The following CNTNAP5 variants were observed in gnomAD, a reference collection of about 807,000 sequenced individuals.
The protein encoded by CNTNAP5 is contactin-associated protein-like 5.
Under a neutral mutation model 150.2 loss-of-function variants are expected in CNTNAP5, and 72 were observed. The ratio of observed to expected loss-of-function variants is 0.48; its 90% CI spans 0.40 to 0.58. CNTNAP5 has a LOEUF of 0.58. Among genes scored for constraint, CNTNAP5 ranks in the 20% least tolerant of loss-of-function variants. CNTNAP5 has a pLI of 0.00. For missense variants in CNTNAP5, 1,636 were observed against 1,626.2 expected (o/e 1.01, Z -0.10); for synonymous variants, 672 against 619.8 (o/e 1.08, Z -1.25).
chr2:124,815,227 C>T (rs1277279803), intron 19 of CNTNAP5, among the ~76,000 whole-genome samples: 1 of 152,222 alleles, frequency 6.6e-6, no homozygotes, highest in African/African-American at 2.4e-5. Context: ...TGAATTAGCA[C>T]ATAGCCAAAG....
intron 17 of CNTNAP5, among the ~76,000 whole-genome samples, chr2:124,774,926 A>T (rs138195691): frequency 1.3e-5 from 2 of 152,318 alleles, no homozygotes; most frequent in African/African-American, 4.8e-5. Flanking sequence ...TTTCGGTTAA[A>T]TTGATCACAA....
rs529106299 is a variant in CNTNAP5, at chr2:124,337,767, G to C, written c.382-79676G>C. On this transcript the variant is annotated intron_variant, in intron 3 of 23. Coordinates refer to ENST00000682447, the MANE Select transcript of CNTNAP5 (RefSeq NM_001367498.1). ...TTGGTACCAGTACCATGCTGTTTTG[G>C]TTACTGTAGCCTTGTAGTATAGTTT... is the stretch of plus-strand genomic sequence containing the variant. 3.9e-5 allele frequency among the ~76,000 whole-genome samples: 6 copies of C among 152,054 alleles called. No individual in the cohort carries two copies. The East Asian group carries it at 9.7e-4, about 25-fold the overall frequency.
intron 6 of CNTNAP5, among the ~76,000 whole-genome samples, chr2:124,455,073 C>T (rs1372035088): frequency 6.6e-6 from 1 of 151,524 alleles, no homozygotes; most frequent in African/African-American, 2.4e-5. Flanking sequence ...AATTGAAACA[C>T]ACATACGAAA....
chr2:124,219,370 A>G (rs994362537), intron 1 of CNTNAP5, among the ~76,000 whole-genome samples: 3 of 152,190 alleles, frequency 2.0e-5, no homozygotes, highest in African/African-American at 7.2e-5. Flanking sequence ...CTCAGTGTCT[A>G]ATAAATACAT....
intron 7 of CNTNAP5, 83 bp downstream of exon 7, chr2:124,474,965 A>G (rs923398952): frequency 8.3e-6 from 10 of 1,197,706 alleles, no homozygotes; most frequent in Non-Finnish European, 1.2e-5. Flanking sequence ...TCCTGAACCC[A>G]TTCGTAATGT....
At chr2:124,273,521 A>T (rs1003979985) in intron 3 of CNTNAP5, among the ~76,000 whole-genome samples, 1 of 152,256 alleles carries the variant, frequency 6.6e-6, no homozygotes, top group Middle Eastern at 3.4e-3. Flanking sequence ...TTAGAGTTTC[A>T]GACCAGAATC....
chr2:124,146,746 CTT>C (rs573891656), intron 1 of CNTNAP5, among the ~76,000 whole-genome samples: 184 of 152,162 alleles, frequency 1.2e-3, no homozygotes, highest in African/African-American at 4.1e-3. Flanking sequence ...TATTCTATCT[CTT>C]TGTTGTTTTA....
chr2:124,050,584 C>T (rs1681670414), intron 1 of CNTNAP5, among the ~76,000 whole-genome samples: 1 of 152,082 alleles, frequency 6.6e-6, no homozygotes, highest in African/African-American at 2.4e-5. Flanking sequence ...CGGGGTGCTC[C>T]AGATTTCAAA....
intron 3 of CNTNAP5, among the ~76,000 whole-genome samples, chr2:124,331,600 G>T (rs1320855201): frequency 2.0e-5 from 3 of 151,062 alleles, no homozygotes; most frequent in Non-Finnish European, 4.4e-5. Flanking sequence ...TTAAATAAAG[G>T]TTTAAAACAC....
intron 3 of CNTNAP5, among the ~76,000 whole-genome samples, chr2:124,313,225 T>C (rs1450931837): frequency 6.6e-6 from 1 of 152,236 alleles, no homozygotes; most frequent in African/African-American, 2.4e-5. Flanking sequence ...TCGATTATTA[T>C]ACGATTAATC....
intron 3 of CNTNAP5, among the ~76,000 whole-genome samples, chr2:124,393,905 A>C (rs115428144): frequency 0.04 from 6,073 of 152,314 alleles, 135 homozygotes; most frequent in Non-Finnish European, 0.042. Context: ...ACGAATGAAC[A>C]ACACTGTCAG....
At chr2:124,255,304 C>T in intron 3 of CNTNAP5, among the ~76,000 whole-genome samples, 1 of 152,030 alleles carries the variant, frequency 6.6e-6, no homozygotes, top group East Asian at 1.9e-4. Flanking sequence ...GCAGGTGGAT[C>T]ACAAGGTCAG....
rs959796212 is a variant in CNTNAP5 at position 124,033,806 on chromosome 2, G to A, written c.82+8074G>A. ...AATCTGTAAATATGGGTAGAGTTGT[G>A]TGGGGAAGGGAGCCTTCCAATTCAT... On this transcript the variant is annotated intron_variant, in intron 1 of 23. Transcript: ENST00000682447. Among the ~76,000 whole-genome samples the A allele has an allele frequency of 5.9e-5, 9 of 152,290 alleles. No homozygotes were observed. The South Asian group carries it at 6.2e-4, about 11-fold the overall frequency.
intron 1 of CNTNAP5, among the ~76,000 whole-genome samples, chr2:124,188,833 T>A (rs528743746): frequency 6.6e-6 from 1 of 151,700 alleles, no homozygotes; most frequent in South Asian, 2.1e-4. Flanking sequence ...CCAGGTAGAA[T>A]TCAGCAGTGG....
chr2:124,582,409 G>A (rs1558963504), intron 11 of CNTNAP5, among the ~76,000 whole-genome samples: 1 of 152,172 alleles, frequency 6.6e-6, no homozygotes. Flanking sequence ...TTGAACTCAA[G>A]ATTTCTGATA....
intron 13 of CNTNAP5, among the ~76,000 whole-genome samples, chr2:124,716,860 A>G (rs912339095): frequency 6.6e-6 from 1 of 151,830 alleles, no homozygotes; most frequent in African/African-American, 2.4e-5. Context: ...CTGTGGAAAT[A>G]CCCATCTCTT....
chr2:124,036,643 C>G (rs1681229071), intron 1 of CNTNAP5, among the ~76,000 whole-genome samples: 1 of 152,086 alleles, frequency 6.6e-6, no homozygotes, highest in Non-Finnish European at 1.5e-5. Flanking sequence ...AATGCTGGAA[C>G]ACTGGAGATT....
At chr2:124,164,069 T>C (rs1378852193) in intron 1 of CNTNAP5, among the ~76,000 whole-genome samples, 2 of 152,170 alleles carry the variant, frequency 1.3e-5, no homozygotes, top group East Asian at 3.9e-4. Flanking sequence ...TGTTTCTGGC[T>C]CTGAAAACAC....
intron 11 of CNTNAP5, among the ~76,000 whole-genome samples, chr2:124,584,764 C>G (rs184911310): frequency 6.6e-6 from 1 of 152,306 alleles, no homozygotes; most frequent in African/African-American, 2.4e-5. Flanking sequence ...AGGATGCCTT[C>G]AAATAACTTC....
Sources: allele counts gnomAD v4.1 joint callset (sites outside exome capture counted in the v4.1 genomes callset), GRCh38; gene constraint gnomAD v4.1.1; transcripts MANE v1.5; gene names NCBI Gene and HGNC (gene_info 2026-07-23, HGNC 2026-07-21).